Variants in HLA-DQB2 observed in about 807,000 individuals in gnomAD.
HLA-DQB2 encodes the protein major histocompatibility complex, class II, DQ beta 2.
HLA-DQB2 carries 24 observed loss-of-function variants against 29.2 expected under a neutral mutation model. The observed-to-expected ratio is 0.82, with a 90% CI of 0.60 to 1.16. The LOEUF (loss-of-function observed/expected upper bound fraction) is 1.16, where lower values mean the gene tolerates loss of function less well. Among genes scored for constraint, HLA-DQB2 ranks in the 50% most tolerant of loss-of-function variants. The pLI, the probability that HLA-DQB2 is intolerant of heterozygous loss-of-function variation, is 0.00. For missense variants in HLA-DQB2, 273 were observed against 343.6 expected, an observed-to-expected ratio of 0.79 and a Z score of 1.62; for synonymous variants, 104 against 133.1, an observed-to-expected ratio of 0.78 and a Z score of 1.51.
At chr6:32,757,664 A>AGCTTT (rs1554209698) in intron 4 of HLA-DQB2, 109 bp downstream of exon 4, 24,790 of 812,834 alleles carry the variant, frequency 0.03, no homozygotes, top group Non-Finnish European at 0.04. Flanking sequence ...GTCTCCTCGC[A>AGCTTT]CTTCCTCTCA....
intron 3 of HLA-DQB2, among the ~76,000 whole-genome samples, chr6:32,758,140 A>T (rs1764448184): frequency 7.0e-6 from 1 of 143,420 alleles, no homozygotes; most frequent in South Asian, 2.2e-4. Context: ...CATAGCTGTC[A>T]GAGCTGGTTC....
intron 2 of HLA-DQB2, among the ~76,000 whole-genome samples, chr6:32,759,972 G>A (rs1764636445): frequency 6.6e-6 from 1 of 152,104 alleles, no homozygotes; most frequent in Non-Finnish European, 1.5e-5. Flanking sequence ...CCTCCTTCCT[G>A]GAGTCTGACT....
In HLA-DQB2 at chr6:32,758,938, C is replaced by A. The variant is rs1410559381; in HGVS notation, c.558G>T (p.Val186=). Reference sequence around the variant, plus strand: ...CACGCTGGGGAGTTATTTCCAGCATCACCAGAATCTGGAAGGTCCAGTCAC... The same window carrying A: ...CACGCTGGGGAGTTATTTCCAGCATAACCAGAATCTGGAAGGTCCAGTCAC... The part of the protein sequence containing the change: ...RNGDWTFQIL[V]MLEITPQRGD... The change falls in exon 3 of 6, where the codon GTG becomes GTT. Residue 186 remains valine (V), a synonymous_variant. Coordinates refer to ENST00000437316, the MANE Select transcript of HLA-DQB2 (RefSeq NM_001300790.2). 1.2e-6 allele frequency: 2 copies of A among 1,614,234 alleles called. No individual in the cohort carries two copies. The highest frequency in any genetic ancestry group is 1.7e-5 in the Admixed American group (1 of 60,034).
Position 32,756,213 on chromosome 6 carries a change from T to C in HLA-DQB2, c.*240A>G. ...GGAGAATGGAAACAGAGATGCCCCT[T>C]GGGGCCTGAGTAGACACAGCTTGCA... On this transcript the variant is annotated 3_prime_UTR_variant, in exon 6 of 6. Transcript: ENST00000437316. 2 of 535,098 alleles carry C rather than the reference T, an allele frequency of 3.7e-6. No homozygotes were observed. The highest frequency in any genetic ancestry group is 6.6e-6 in the Non-Finnish European group (2 of 300,908). 33.1% of individuals were successfully genotyped at this position (535,098 alleles called of 1,614,324 possible).
chr6:32,757,961 G>C (rs1321895554), intron 3 of HLA-DQB2, 78 bp from the exon 4 acceptor site: 1 of 1,107,512 alleles, frequency 9.0e-7, no homozygotes, highest in Non-Finnish European at 1.3e-6. Context: ...AGATGTCAGG[G>C]GACACTAGTT....
chr6:32,761,145 T>C (rs987751170), intron 2 of HLA-DQB2, among the ~76,000 whole-genome samples: 3 of 152,294 alleles, frequency 2.0e-5, no homozygotes, highest in African/African-American at 7.2e-5. Context: ...AAATATCTTA[T>C]TTCACAACTG....
Position 32,758,940 on chromosome 6 carries a change from C to T in HLA-DQB2, c.556G>A (p.Val186Met), listed in dbSNP as rs755542673. The T allele has an allele frequency of 6.2e-7, 1 of 1,614,210 alleles. No homozygotes were observed. The highest frequency in any genetic ancestry group is 8.5e-7 in the Non-Finnish European group (1 of 1,180,036). ...RNGDWTFQIL[V>M]MLEITPQRGD... ...CGCTGGGGAGTTATTTCCAGCATCACCAGAATCTGGAAGGTCCAGTCACCA... is the reference window on the plus strand; with the variant it reads ...CGCTGGGGAGTTATTTCCAGCATCATCAGAATCTGGAAGGTCCAGTCACCA... Residue 186 changes from valine to methionine, a missense_variant, in exon 3 of 6, where the codon GTG (valine) becomes ATG (methionine). By Grantham distance (21) the Val-to-Met change is conservative. Coordinates refer to ENST00000437316, the MANE Select transcript of HLA-DQB2 (RefSeq NM_001300790.2).
intron 1 of HLA-DQB2, among the ~76,000 whole-genome samples, chr6:32,762,535 G>A (rs201306881): frequency 1.1e-3 from 143 of 127,982 alleles, no homozygotes; most frequent in Middle Eastern, 4.2e-3. Flanking sequence ...AGTCCTAGAA[G>A]GAAACATTTA....
rs756215229 is a variant in HLA-DQB2, at chr6:32,758,968, C to T, written c.528G>A (p.Arg176=). The T allele has an allele frequency of 2.5e-6, 4 of 1,614,136 alleles. No homozygotes were observed. The highest frequency in any genetic ancestry group is 1.3e-5 in the African/African-American group (1 of 74,952). Residue 176 remains arginine, a synonymous_variant, in exon 3 of 6, where the codon AGG becomes AGA. Coordinates refer to ENST00000437316, the MANE Select transcript of HLA-DQB2 (RefSeq NM_001300790.2). The part of the protein sequence containing the change: ...TAGVVSTSLI[R]NGDWTFQILV... Reference sequence around the variant, plus strand: ...GAATCTGGAAGGTCCAGTCACCATTCCTAATGAGGGAGGTGGACACAACAC... The same window carrying T: ...GAATCTGGAAGGTCCAGTCACCATTTCTAATGAGGGAGGTGGACACAACAC...
chr6:32,756,564 T>C (rs1050810722), intron 5 of HLA-DQB2, 98 bp from the exon 6 acceptor site: 28 of 1,522,548 alleles, frequency 1.8e-5, no homozygotes, highest in Non-Finnish European at 2.3e-5. Flanking sequence ...AAACAGAGGA[T>C]GCTGAGGTCC....
intron 2 of HLA-DQB2, among the ~76,000 whole-genome samples, chr6:32,760,738 T>C (rs930142164): frequency 1.3e-5 from 2 of 150,740 alleles, no homozygotes; most frequent in Non-Finnish European, 3.0e-5. Flanking sequence ...TTGTTCAGCT[T>C]TTCTAAGAAA....
intron 2 of HLA-DQB2, 133 bp from the exon 3 acceptor site, chr6:32,759,264 C>T (rs1321841884): frequency 1.8e-6 from 2 of 1,088,214 alleles, no homozygotes; most frequent in African/African-American, 1.6e-5. Context: ...GATTAAGGTT[C>T]CTTCAACAAA....
At position 32,756,187 on chromosome 6, in the gene HLA-DQB2, G is replaced by A; in HGVS notation, c.*266C>T. On this transcript the variant is annotated 3_prime_UTR_variant, in exon 6 of 6. Coordinates refer to ENST00000437316, the MANE Select transcript of HLA-DQB2 (RefSeq NM_001300790.2). ...ATGCTTCTCTTGACAGGTCTGTGGG[G>A]GGAGAATGGAAACAGAGATGCCCCT... 2.0e-6 allele frequency: 1 copy of A among 507,870 alleles called. No individual in the cohort carries two copies. The highest frequency in any genetic ancestry group is 3.5e-6 in the Non-Finnish European group (1 of 287,170). 31.5% of individuals were successfully genotyped at this position (507,870 alleles called of 1,614,324 possible).
Position 32,756,415 on chromosome 6 carries a change from A to T in HLA-DQB2, c.*38T>A. 8.0e-7 allele frequency: 1 copy of T among 1,247,312 alleles called. No individual in the cohort carries two copies. The highest frequency in any genetic ancestry group is 1.2e-6 in the Non-Finnish European group (1 of 858,348). 77.3% of individuals were successfully genotyped at this position (1,247,312 alleles called of 1,614,324 possible). ...GGGCAGGGGCAGGTGGGCATTACAG[A>T]AGAGTGATGACCAATCCCAGACAAA... is the stretch of plus-strand genomic sequence containing the variant. On this transcript the variant is annotated 3_prime_UTR_variant, in exon 6 of 6. Coordinates refer to ENST00000437316, the MANE Select transcript of HLA-DQB2 (RefSeq NM_001300790.2).
chr6:32,756,609 G>A (rs1764282668), intron 5 of HLA-DQB2, 143 bp from the exon 6 acceptor site: 1 of 1,453,180 alleles, frequency 6.9e-7, no homozygotes, highest in South Asian at 1.5e-5. Context: ...CAATATCTGT[G>A]TAAAGGTAAA....
intron 3 of HLA-DQB2, 72 bp downstream of exon 3, chr6:32,758,778 G>A (rs1369632152): frequency 6.5e-7 from 1 of 1,531,946 alleles, no homozygotes; most frequent in Non-Finnish European, 8.9e-7. Context: ...GAGATGGGAT[G>A]GGAAGGATCA....
In HLA-DQB2 at chr6:32,761,829, G is replaced by C; in HGVS notation, c.195C>G (p.Tyr65Ter). 6.2e-7 allele frequency: 1 copy of C among 1,606,498 alleles called. No individual in the cohort carries two copies. Among genetic ancestry groups the C allele is most frequent in the Non-Finnish European group, 8.5e-7 (1 of 1,176,440 alleles). ...VARYIYNREE[Y>*]GRFDSDVGEF... ...CCCCAACGTCGCTGTCGAAGCGCCCGTACTCCTCGCGGTTATAGATGTATC... is the reference window on the plus strand; with the variant it reads ...CCCCAACGTCGCTGTCGAAGCGCCCCTACTCCTCGCGGTTATAGATGTATC... Residue 65 changes from tyrosine (Y) to a stop codon, truncating the protein, a stop_gained, in exon 2 of 6, where the codon TAC (tyrosine) becomes TAG (stop). Coordinates refer to ENST00000437316, the MANE Select transcript of HLA-DQB2 (RefSeq NM_001300790.2). LOFTEE classifies it high-confidence loss of function.
intron 5 of HLA-DQB2, chr6:32,757,056 A>T: frequency 7.1e-7 from 1 of 1,398,844 alleles, no homozygotes; most frequent in Non-Finnish European, 9.3e-7. Flanking sequence ...CTCTAGCTCT[A>T]TCGCCCAGAC....
chr6:32,757,357 C>A (rs1024616004), intron 4 of HLA-DQB2, 53 bp from the exon 5 acceptor site: 3 of 1,312,734 alleles, frequency 2.3e-6, no homozygotes, highest in Non-Finnish European at 3.2e-6. Context: ...CAACCACTAT[C>A]TTACCCCAAA....
Sources: gnomAD v4.1 joint callset for allele counts (sites outside exome capture counted in the v4.1 genomes callset) on GRCh38, gnomAD v4.1.1 for gene constraint, MANE v1.5 for transcripts, NCBI Gene and HGNC (gene_info 2026-07-23, HGNC 2026-07-21) for gene names.